Variants in PTPRZ1 observed in about 807,000 individuals in gnomAD.
PTPRZ1 encodes protein tyrosine phosphatase receptor type Z1, also known as receptor-type tyrosine-protein phosphatase zeta.
PTPRZ1 carries 82 observed loss-of-function variants against 214.1 expected under a neutral mutation model. The observed-to-expected ratio is 0.38, with a 90% CI of 0.32 to 0.46. PTPRZ1 has a LOEUF of 0.46. Among genes scored for constraint, PTPRZ1 ranks in the 20% least tolerant of loss-of-function variants. The probability of loss-of-function intolerance (pLI) is 1.00; values close to 1 mark genes in which losing one functional copy is unlikely to be tolerated. For missense variants in PTPRZ1, 2,603 were observed against 2,748.7 expected, an observed-to-expected ratio of 0.95 and a Z score of 1.19; for synonymous variants, 945 against 987.9, an observed-to-expected ratio of 0.96 and a Z score of 0.81.
intron 1 of PTPRZ1, among the ~76,000 whole-genome samples, chr7:121,913,975 C>T (rs1436475236): frequency 6.6e-6 from 1 of 152,168 alleles, no homozygotes; most frequent in African/African-American, 2.4e-5. Flanking sequence ...TTTTTAATTG[C>T]ATACCTTATC....
intron 2 of PTPRZ1, 150 bp from the exon 3 acceptor site, chr7:121,967,801 A>T: frequency 1.8e-6 from 1 of 558,870 alleles, no homozygotes; most frequent in East Asian, 3.3e-5. Context: ...ATCTAAATAC[A>T]GGCATAATTA....
At chr7:121,935,591 G>A (rs1796063566) in intron 2 of PTPRZ1, among the ~76,000 whole-genome samples, 2 of 150,108 alleles carry the variant, frequency 1.3e-5, no homozygotes, top group East Asian at 4.1e-4. Context: ...GAGAAGGAGT[G>A]TCTCACTCAG....
intron 2 of PTPRZ1, among the ~76,000 whole-genome samples, chr7:121,956,203 A>G (rs1347085518): frequency 6.6e-6 from 1 of 152,012 alleles, no homozygotes; most frequent in Non-Finnish European, 1.5e-5. Flanking sequence ...AACATTTCTT[A>G]AAAATTGAAA....
At chr7:121,879,058 C>T (rs1794151010) in intron 1 of PTPRZ1, among the ~76,000 whole-genome samples, 2 of 152,158 alleles carry the variant, frequency 1.3e-5, no homozygotes, top group African/African-American at 4.8e-5. Flanking sequence ...CCCAGAAATA[C>T]ACGTAAGCAT....
At chr7:121,970,709 G>T (rs1797214325) in intron 3 of PTPRZ1, among the ~76,000 whole-genome samples, 1 of 152,026 alleles carries the variant, frequency 6.6e-6, no homozygotes. Flanking sequence ...TTAGCCCTTT[G>T]TCAGATGAGT....
intron 1 of PTPRZ1, among the ~76,000 whole-genome samples, chr7:121,890,215 T>C (rs1794545456): frequency 6.6e-6 from 1 of 152,200 alleles, no homozygotes; most frequent in South Asian, 2.1e-4. Flanking sequence ...AAACTTGACA[T>C]GTTCAAACTT....
intron 2 of PTPRZ1, among the ~76,000 whole-genome samples, chr7:121,965,956 A>T (rs772551399): frequency 6.6e-6 from 1 of 152,184 alleles, no homozygotes; most frequent in Non-Finnish European, 1.5e-5. Context: ...CTCCTAGGTG[A>T]TGGCGATATT....
intron 10 of PTPRZ1, among the ~76,000 whole-genome samples, chr7:122,000,148 A>G (rs930448212): frequency 3.2e-4 from 48 of 152,174 alleles, no homozygotes; most frequent in Non-Finnish European, 6.8e-4. Flanking sequence ...TCCTGCATCA[A>G]AAACCTGTTC....
chr7:122,022,743 G>A (rs1306481108), intron 13 of PTPRZ1, among the ~76,000 whole-genome samples: 1 of 152,092 alleles, frequency 6.6e-6, no homozygotes, highest in African/African-American at 2.4e-5. Context: ...GCCTAACCCA[G>A]CACCACATGG....
intron 29 of PTPRZ1, among the ~76,000 whole-genome samples, 154 bp from the exon 30 acceptor site, chr7:122,060,926 A>G (rs1349722441): frequency 6.6e-6 from 1 of 152,224 alleles, no homozygotes. Flanking sequence ...AGACATCAGT[A>G]TAGGTTGTGT....
intron 8 of PTPRZ1, among the ~76,000 whole-genome samples, chr7:121,993,695 C>A (rs186945629): frequency 2.6e-5 from 4 of 151,908 alleles, no homozygotes; most frequent in Admixed American, 6.5e-5. Context: ...TATGGTCATT[C>A]CATGGTTTGA....
chr7:121,949,052 A>G (rs1796472766), intron 2 of PTPRZ1, among the ~76,000 whole-genome samples: 1 of 152,140 alleles, frequency 6.6e-6, no homozygotes, highest in Non-Finnish European at 1.5e-5. Flanking sequence ...GGCTTTATAC[A>G]TTCTAGGGAG....
At chr7:122,004,361 G>A (rs1198864858) in intron 10 of PTPRZ1, among the ~76,000 whole-genome samples, 1 of 152,114 alleles carries the variant, frequency 6.6e-6, no homozygotes, top group East Asian at 1.9e-4. Context: ...GGGAAATGGG[G>A]AAGGGAGTGG....
At chr7:121,883,769 G>A (rs540884834) in intron 1 of PTPRZ1, among the ~76,000 whole-genome samples, 132 of 152,256 alleles carry the variant, frequency 8.7e-4, no homozygotes, top group South Asian at 3.1e-3. Context: ...TGGGATTACA[G>A]GCATGTGCCA....
At chr7:121,988,715 G>A (rs1187720703) in intron 8 of PTPRZ1, among the ~76,000 whole-genome samples, 3 of 152,134 alleles carry the variant, frequency 2.0e-5, no homozygotes, top group African/African-American at 7.2e-5. Context: ...TTAAAACATT[G>A]GCCAAAGCTT....
intron 5 of PTPRZ1, 30 bp from the exon 6 acceptor site, chr7:121,976,754 CT>C (rs1563046815): frequency 6.0e-6 from 9 of 1,511,084 alleles, no homozygotes; most frequent in East Asian, 2.3e-5. Context: ...ATGTTTTATT[CT>C]TTTTTTAGAA....
intron 26 of PTPRZ1, among the ~76,000 whole-genome samples, 196 bp from the exon 27 acceptor site, chr7:122,054,745 G>A (rs1264613739): frequency 6.6e-6 from 1 of 151,964 alleles, no homozygotes; most frequent in Non-Finnish European, 1.5e-5. Flanking sequence ...GCAATAGTTT[G>A]GGTTCCTAAG....
chr7:122,060,056 A>C (rs563230005), intron 29 of PTPRZ1, among the ~76,000 whole-genome samples, 168 bp downstream of exon 29: 6 of 152,254 alleles, frequency 3.9e-5, no homozygotes, highest in African/African-American at 1.2e-4. Context: ...CAACATTTAA[A>C]ATTTATACTT....
chr7:121,898,152 A>C (rs1005182204), intron 1 of PTPRZ1, among the ~76,000 whole-genome samples: 1 of 152,190 alleles, frequency 6.6e-6, no homozygotes, highest in Non-Finnish European at 1.5e-5. Context: ...ACAGTAAACC[A>C]TGTAAGTACT....
Sources: gnomAD v4.1 joint callset for allele counts (sites outside exome capture counted in the v4.1 genomes callset) on GRCh38, gnomAD v4.1.1 for gene constraint, MANE v1.5 for transcripts, NCBI Gene and HGNC (gene_info 2026-07-23, HGNC 2026-07-21) for gene names.